The following PPM1E variants were observed in gnomAD, a reference collection of about 807,000 sequenced individuals.
The protein encoded by PPM1E is protein phosphatase 1E.
In PPM1E, 20 loss-of-function variants were observed where a neutral mutation model predicts 65.9. The observed-to-expected ratio is 0.30, with a 90% CI of 0.21 to 0.44. The LOEUF (loss-of-function observed/expected upper bound fraction) is 0.44, where lower values mean the gene tolerates loss of function less well. PPM1E is among the 20% of genes least tolerant of loss of function. PPM1E has a pLI of 1.00. For missense variants in PPM1E, 713 were observed against 953.1 expected (o/e 0.75, Z 3.32); for synonymous variants, 352 against 374.9 (o/e 0.94, Z 0.70).
chr17:58,871,455 A>T (rs2051068794), intron 1 of PPM1E, among the ~76,000 whole-genome samples: 1 of 152,172 alleles, frequency 6.6e-6, no homozygotes, highest in Admixed American at 6.5e-5. Flanking sequence ...TGGCAAGAAC[A>T]GTGTCTCTCA....
chr17:58,882,391 A>G (rs908923426), intron 1 of PPM1E, among the ~76,000 whole-genome samples: 3 of 151,388 alleles, frequency 2.0e-5, no homozygotes, highest in African/African-American at 7.3e-5. Flanking sequence ...ATTTTTAGCA[A>G]CTTGCATTTT....
intron 1 of PPM1E, among the ~76,000 whole-genome samples, chr17:58,839,578 A>G (rs549890619): frequency 3.0e-4 from 45 of 152,216 alleles, no homozygotes; most frequent in Non-Finnish European, 6.0e-4. Flanking sequence ...AGGTTAATAA[A>G]TGCATTGTTG....
chr17:58,775,871 G>T (rs569355800), intron 1 of PPM1E, among the ~76,000 whole-genome samples: 2 of 128,106 alleles, frequency 1.6e-5, no homozygotes, highest in African/African-American at 5.8e-5. Flanking sequence ...CCGAGATTGC[G>T]CCACTGCAGT....
At chr17:58,771,819 T>C (rs1598560574) in intron 1 of PPM1E, among the ~76,000 whole-genome samples, 1 of 152,274 alleles carries the variant, frequency 6.6e-6, no homozygotes, top group Admixed American at 6.6e-5. Flanking sequence ...AAAAATTAAG[T>C]ACTTACCATA....
chr17:58,926,699 A>T (rs771909179), intron 1 of PPM1E, among the ~76,000 whole-genome samples: 8 of 152,128 alleles, frequency 5.3e-5, no homozygotes, highest in South Asian at 2.1e-4. Flanking sequence ...ATTTTTTTTT[A>T]AATTACTATT....
intron 1 of PPM1E, among the ~76,000 whole-genome samples, chr17:58,760,147 G>GATT (rs2049808127): frequency 1.3e-5 from 2 of 151,964 alleles, no homozygotes; most frequent in Admixed American, 6.6e-5. Flanking sequence ...CTTTAATATT[G>GATT]GTGTTCTGTC....
intron 1 of PPM1E, among the ~76,000 whole-genome samples, chr17:58,830,292 G>GTTATTATTATTATTATTATTA (rs376605107): frequency 1.5e-4 from 22 of 146,834 alleles, no homozygotes; most frequent in South Asian, 4.3e-4. Context: ...TGTTGTTGTT[G>GTTATTATTATTATTATTATTA]TTATTATTAT....
intron 1 of PPM1E, among the ~76,000 whole-genome samples, chr17:58,884,564 A>G (rs908202198): frequency 6.6e-6 from 1 of 152,170 alleles, no homozygotes; most frequent in Non-Finnish European, 1.5e-5. Context: ...TACATTGAAT[A>G]TTAATATTAG....
intron 1 of PPM1E, among the ~76,000 whole-genome samples, chr17:58,853,120 C>T (rs2050845028): frequency 6.6e-6 from 1 of 152,086 alleles, no homozygotes; most frequent in Admixed American, 6.6e-5. Context: ...TCCAGTTTGT[C>T]TATTTTGTTG....
rs116490464 is a variant in PPM1E at position 58,873,852 on chromosome 17, C to A, written c.465-81797C>A. On this transcript the variant is annotated intron_variant, in intron 1 of 6. Coordinates refer to ENST00000308249, the MANE Select transcript of PPM1E (RefSeq NM_014906.5). ...GCTTAAGTGATCTGCCCACCTTAGC[C>A]CCCCAAAGGGCTAAGATTATAGGAG... Among the ~76,000 whole-genome samples the A allele has an allele frequency of 8.5e-3, 1,282 of 151,298 alleles. 19 individuals carry two copies. Among genetic ancestry groups the A allele is most frequent in the African/African-American group, 0.029 (1,197 of 41,156 alleles).
chr17:58,859,119 T>C (rs966975766), intron 1 of PPM1E, among the ~76,000 whole-genome samples: 2 of 152,190 alleles, frequency 1.3e-5, no homozygotes, highest in Non-Finnish European at 2.9e-5. Context: ...ATATAGGCAG[T>C]TAACAGGGTT....
At chr17:58,823,246 C>G (rs1265080343) in intron 1 of PPM1E, among the ~76,000 whole-genome samples, 1 of 152,040 alleles carries the variant, frequency 6.6e-6, no homozygotes, top group African/African-American at 2.4e-5. Context: ...ATATTTCTGT[C>G]ATGTAGGCAT....
intron 1 of PPM1E, among the ~76,000 whole-genome samples, chr17:58,892,181 A>G (rs1195115974): frequency 6.6e-6 from 1 of 152,200 alleles, no homozygotes; most frequent in Non-Finnish European, 1.5e-5. Flanking sequence ...ACAGAAATGC[A>G]CTAGGCTCTG....
At chr17:58,813,025 T>C (rs1379892815) in intron 1 of PPM1E, among the ~76,000 whole-genome samples, 3 of 152,214 alleles carry the variant, frequency 2.0e-5, no homozygotes, top group African/African-American at 7.2e-5. Context: ...ATGGCAGTAG[T>C]CATAATAATT....
intron 1 of PPM1E, among the ~76,000 whole-genome samples, chr17:58,805,992 A>C (rs1368545728): frequency 5.0e-5 from 6 of 119,088 alleles, no homozygotes; most frequent in Non-Finnish European, 8.3e-5. Flanking sequence ...AAACAAAACA[A>C]AACAAAACAA....
At chr17:58,823,399 C>G (rs965568275) in intron 1 of PPM1E, among the ~76,000 whole-genome samples, 11 of 152,228 alleles carry the variant, frequency 7.2e-5, no homozygotes, top group Middle Eastern at 3.4e-3. Flanking sequence ...TGTGATAACG[C>G]TGTTCTCTGA....
At chr17:58,789,733 G>A (rs1354038212) in intron 1 of PPM1E, among the ~76,000 whole-genome samples, 1 of 60,724 alleles carries the variant, frequency 1.6e-5, no homozygotes, top group Non-Finnish European at 3.0e-5. Context: ...TCACATCTGA[G>A]AGTCATTTAT....
chr17:58,782,917 T>C (rs1040870356), intron 1 of PPM1E, among the ~76,000 whole-genome samples: 1 of 152,168 alleles, frequency 6.6e-6, no homozygotes, highest in Non-Finnish European at 1.5e-5. Flanking sequence ...TTTGTTTCCA[T>C]ATTTTCCATC....
chr17:58,956,927 T>A (rs1244607692), intron 2 of PPM1E, among the ~76,000 whole-genome samples: 1 of 152,200 alleles, frequency 6.6e-6, no homozygotes, highest in Non-Finnish European at 1.5e-5. Flanking sequence ...CTGTAGATTG[T>A]TTGTGACAGA....
Sources: allele counts gnomAD v4.1 joint callset (sites outside exome capture counted in the v4.1 genomes callset), GRCh38; gene constraint gnomAD v4.1.1; transcripts MANE v1.5; gene names NCBI Gene and HGNC (gene_info 2026-07-23, HGNC 2026-07-21).